The following DIPK1B variants were observed in gnomAD, a reference collection of about 807,000 sequenced individuals.
The protein encoded by DIPK1B is family with sequence similarity 69 member B.
In DIPK1B, 17 loss-of-function variants were observed where a neutral mutation model predicts 20.7. The ratio of observed to expected loss-of-function variants is 0.82; its 90% confidence interval spans 0.56 to 1.23. The LOEUF (loss-of-function observed/expected upper bound fraction) is 1.23, where lower values mean the gene tolerates loss of function less well. Ranked by LOEUF, DIPK1B falls within the 50% of genes most tolerant of loss-of-function variation. The pLI is 0.00. For missense variants in DIPK1B, 648 were observed against 601.8 expected (o/e 1.08, Z -0.80); for synonymous variants, 343 against 276.5 (o/e 1.24, Z -2.39).
intron 2 of DIPK1B, among the ~76,000 whole-genome samples, chr9:136,720,011 G>A (rs1056578771): frequency 8.0e-5 from 12 of 149,594 alleles, no homozygotes; most frequent in Non-Finnish European, 1.0e-4. Context: ...TCAGGGGGCT[G>A]TGTGGTCTGG....
rs561008974 is a variant in DIPK1B, at chr9:136,723,749, A to G, written c.1271A>G (p.Lys424Arg). 49 of 1,534,800 alleles carry G rather than the reference A, an allele frequency of 3.2e-5. No individual in the cohort carries two copies. In the Middle Eastern group the frequency reaches 6.9e-4, roughly 21 times the overall value. The change falls in exon 5 of 5, where the codon AAG becomes AGG. Residue 424 changes from lysine (K) to arginine (R), a missense_variant. Transcript: ENST00000371692. Reference sequence around the variant, plus strand: ...CACCTCAAGACTCTGCTCTGGAAGAAGATCTCCAACACCAAGTACTCTTGA... The same window carrying G: ...CACCTCAAGACTCTGCTCTGGAAGAGGATCTCCAACACCAAGTACTCTTGA... Reference protein sequence around the residue: ...LSHLKTLLWKKISNTKYS With the variant: ...LSHLKTLLWKRISNTKYS
intron 2 of DIPK1B, among the ~76,000 whole-genome samples, chr9:136,720,618 A>G (rs1846583675): frequency 6.6e-6 from 1 of 152,122 alleles, no homozygotes; most frequent in African/African-American, 2.4e-5. Flanking sequence ...ACTGCTAACA[A>G]AGTCTCCCTG....
intron 2 of DIPK1B, among the ~76,000 whole-genome samples, chr9:136,720,239 G>A (rs1036475988): frequency 2.0e-5 from 3 of 151,920 alleles, no homozygotes; most frequent in African/African-American, 4.9e-5. Flanking sequence ...ACGAAGAGCC[G>A]GCGTTTTCTT....
chr9:136,721,475 C>T lies in DIPK1B; in HGVS notation c.199-446C>T, dbSNP rs146341420. On this transcript the variant is annotated intron_variant, in intron 2 of 4. Transcript: ENST00000371692. ...GGAATGAAGAGTCAGGCAGAGAGCG[C>T]GCGTGTGGCAGCTGGTGGTGTAGAT... 898 of 182,558 alleles carry T rather than the reference C, an allele frequency of 4.9e-3. 8 individuals carry two copies. The highest frequency in any genetic ancestry group is 0.02 in the African/African-American group (848 of 42,092). The allele number at this position is 182,558 out of a possible 1,614,324, so 11.3% of individuals were successfully genotyped here. A position where few individuals can be genotyped will look rare whatever the true frequency, so the allele number is the denominator to read the frequency against.
chr9:136,713,980 T>C (rs1459313654), intron 1 of DIPK1B, among the ~76,000 whole-genome samples: 1 of 152,158 alleles, frequency 6.6e-6, no homozygotes, highest in East Asian at 1.9e-4. Context: ...CACCGGGAGC[T>C]GGTCCCCACC....
intron 2 of DIPK1B, among the ~76,000 whole-genome samples, chr9:136,720,503 C>T (rs1047217890): frequency 2.6e-5 from 4 of 152,194 alleles, no homozygotes; most frequent in Admixed American, 2.0e-4. Context: ...AGCTCCATCC[C>T]TCCATCACCT....
chr9:136,719,460 G>C (rs939377550), intron 2 of DIPK1B, among the ~76,000 whole-genome samples: 2 of 152,212 alleles, frequency 1.3e-5, no homozygotes, highest in Admixed American at 6.5e-5. Context: ...AGGCGCAGAG[G>C]CTGGCCCAGC....
In DIPK1B at chr9:136,722,071, C is replaced by T. The variant is rs1170669855; in HGVS notation, c.306+43C>T. 10 of 1,613,216 alleles carry T rather than the reference C, an allele frequency of 6.2e-6. No homozygotes were observed. The South Asian group carries it at 1.1e-4, about 18-fold the overall frequency. On this transcript the variant is annotated intron_variant, in intron 3 of 4. Coordinates refer to ENST00000371692, the MANE Select transcript of DIPK1B (RefSeq NM_152421.4). ...GCGGGTGGGCCTGGGGCTGATACTG[C>T]CCGTGCAGTGGGAGGGGGATGTCTG...
At chr9:136,720,839 C>T (rs1199249999) in intron 2 of DIPK1B, 1 of 152,064 alleles carries the variant, frequency 6.6e-6, no homozygotes, top group Non-Finnish European at 1.5e-5. Flanking sequence ...AGACTGTCAG[C>T]TCTGGTGGTG....
At chr9:136,715,836 T>C (rs537984049) in intron 1 of DIPK1B, among the ~76,000 whole-genome samples, 21 of 152,246 alleles carry the variant, frequency 1.4e-4, no homozygotes, top group African/African-American at 5.1e-4. Flanking sequence ...TGCGGTAAGA[T>C]ACACATGGCA....
chr9:136,721,991 A>G lies in DIPK1B; in HGVS notation c.269A>G (p.Glu90Gly). 2 of 1,611,356 alleles carry G rather than the reference A, an allele frequency of 1.2e-6. No individual in the cohort carries two copies. Among genetic ancestry groups the G allele is most frequent in the East Asian group, 2.2e-5 (1 of 44,754 alleles). ...GACCTGTGTGAGCTGCATATGGTGG[A>G]GTGGAGGACCTGCCTCTCGGTGGCC... The part of the protein sequence containing the change: ...CQDLCELHMV[E>G]WRTCLSVAPG... Residue 90 changes from glutamate (E) to glycine (G), a missense_variant, in exon 3 of 5, where the codon GAG becomes GGG. By Grantham distance (98) the Glu-to-Gly change is moderately conservative. Coordinates refer to ENST00000371692, the MANE Select transcript of DIPK1B (RefSeq NM_152421.4).
At chr9:136,718,315 G>C (rs997968003) in intron 2 of DIPK1B, among the ~76,000 whole-genome samples, 1 of 152,048 alleles carries the variant, frequency 6.6e-6, no homozygotes. Flanking sequence ...TAGTGGCCTC[G>C]CTAGCCCCCC....
At chr9:136,713,974 G>A (rs764917116) in intron 1 of DIPK1B, among the ~76,000 whole-genome samples, 21 of 152,174 alleles carry the variant, frequency 1.4e-4, no homozygotes, top group Non-Finnish European at 2.1e-4. Context: ...TGGCTACACC[G>A]GGAGCTGGTC....
Position 136,722,985 on chromosome 9 carries a change from C to T in DIPK1B, c.507C>T (p.Ser169=). 2 of 1,607,912 alleles carry T rather than the reference C, an allele frequency of 1.2e-6. No homozygotes were observed. The highest frequency in any genetic ancestry group is 1.7e-5 in the Admixed American group (1 of 59,802). Residue 169 remains serine, a synonymous_variant, in exon 5 of 5, where the codon TCC becomes TCT. Transcript: ENST00000371692. ...FLKANLGDLP[S]LPALVGQVLL... ...AGGCGAACCTGGGAGACCTGCCTTC[C>T]CTGCCGGCGCTGGTTGGCCAGGTCC... is the stretch of plus-strand genomic sequence containing the variant.
intron 1 of DIPK1B, among the ~76,000 whole-genome samples, chr9:136,714,282 G>A (rs552004982): frequency 1.3e-4 from 20 of 152,296 alleles, no homozygotes; most frequent in African/African-American, 4.6e-4. Flanking sequence ...AGCTGTGACT[G>A]GACCACTGCA....
chr9:136,717,754 T>C, intron 2 of DIPK1B, 43 bp downstream of exon 2: 1 of 1,605,654 alleles, frequency 6.2e-7, no homozygotes, highest in East Asian at 2.2e-5. Flanking sequence ...CCGTGCCCCC[T>C]GCTGCCCAAG....
chr9:136,718,986 G>T (rs1846546809), intron 2 of DIPK1B, among the ~76,000 whole-genome samples: 1 of 152,138 alleles, frequency 6.6e-6, no homozygotes. Context: ...GCTCACCCTT[G>T]AAGTCCAGGG....
chr9:136,722,979 G>A lies in DIPK1B; in HGVS notation c.501G>A (p.Leu167=), dbSNP rs537431258. ...LSFLKANLGD[L]PSLPALVGQV... ...AACGCCAGGCGAACCTGGGAGACCT[G>A]CCTTCCCTGCCGGCGCTGGTTGGCC... Residue 167 remains leucine, a synonymous_variant, in exon 5 of 5, where the codon CTG becomes CTA. Transcript: ENST00000371692. 9.3e-6 allele frequency: 15 copies of A among 1,606,576 alleles called. No individual in the cohort carries two copies. In the African/African-American group the frequency reaches 1.7e-4, roughly 19 times the overall value.
At chr9:136,722,891 G>A (rs1588286186) in intron 4 of DIPK1B, 71 bp from the exon 5 acceptor site, 5 of 1,461,198 alleles carry the variant, frequency 3.4e-6, no homozygotes, top group Non-Finnish European at 3.6e-6. Context: ...AGGAGGACCA[G>A]GTAAAGGCCA....
Sources: allele counts gnomAD v4.1 joint callset (sites outside exome capture counted in the v4.1 genomes callset), GRCh38; gene constraint gnomAD v4.1.1; transcripts MANE v1.5; gene names NCBI Gene and HGNC (gene_info 2026-07-23, HGNC 2026-07-21).